Variants in TKFC observed in about 807,000 individuals in gnomAD.
TKFC encodes triokinase and FMN cyclase.
A neutral mutation model predicts 61.0 loss-of-function variants in TKFC; 46 were observed. The observed-to-expected ratio is 0.75, with a 90% confidence interval of 0.60 to 0.96. The LOEUF (loss-of-function observed/expected upper bound fraction) is 0.96. TKFC is among the 50% of genes least tolerant of loss of function. TKFC has a pLI of 0.00. For missense variants in TKFC, 715 were observed against 777.5 expected (o/e 0.92, Z 0.96); for synonymous variants, 314 against 330.1 (o/e 0.95, Z 0.53).
In TKFC at chr11:61,344,266, G is replaced by A. The variant is rs201338826; in HGVS notation, c.1233G>A (p.Ala411=). ...ACTGTGGCACCACCCACAGCCGTGC[G>A]GCCAGAGGTTGGTGCCAGGGACTTT... ...DGDCGTTHSR[A]ARAIQEWLKE... The change falls in exon 13 of 18, where the codon GCG becomes GCA. Residue 411 remains alanine, a synonymous_variant. Transcript: ENST00000394900. 1.2e-4 allele frequency: 187 copies of A among 1,612,900 alleles called. 2 individuals are homozygous for A. In the East Asian group the frequency reaches 3.1e-3, roughly 27 times the overall value.
rs769673922 is a variant in TKFC at position 61,334,778 on chromosome 11, C to G, written c.3+47C>G. The G allele has an allele frequency of 3.5e-5, 56 of 1,613,710 alleles. No individual in the cohort carries two copies. In the Middle Eastern group the frequency reaches 6.6e-4, roughly 19 times the overall value. ...CGGGAATGGCAGCATGGTCTCAAAG[C>G]AGGATCCCAGCCTTGGGCAAGCTAA... On this transcript the variant is annotated intron_variant, in intron 2 of 17. Coordinates refer to ENST00000394900, the MANE Select transcript of TKFC (RefSeq NM_015533.4).
At position 61,342,430 on chromosome 11, in the gene TKFC, G is replaced by C. The variant is rs775131812; in HGVS notation, c.656-31G>C. The C allele has an allele frequency of 7.4e-6, 12 of 1,613,716 alleles. No individual in the cohort carries two copies. The East Asian group carries it at 2.0e-4, about 27-fold the overall frequency. On this transcript the variant is annotated intron_variant, in intron 7 of 17. Transcript: ENST00000394900. ...CGATGAGCAAATCCCCAGGCCTTGA[G>C]TGGGTCAGCAGTGACCACATCTATC...
intron 6 of TKFC, 109 bp from the exon 7 acceptor site, chr11:61,341,714 C>A: frequency 7.6e-7 from 1 of 1,308,992 alleles, no homozygotes; most frequent in Non-Finnish European, 1.1e-6. Context: ...CAGCCTTTCT[C>A]AGAGAAGAGG....
At position 61,337,939 on chromosome 11, in the gene TKFC, A is replaced by C. The variant is rs747367361; in HGVS notation, c.4-2A>C. On this transcript the variant is annotated splice_acceptor_variant, in intron 2 of 17. Transcript: ENST00000394900. LOFTEE classifies it high-confidence loss of function. ...GACCTCCTTCTCACTCCTCCCTTGC[A>C]GACCTCCAAGAAGCTGGTGAACTCG... 6.2e-7 allele frequency: 1 copy of C among 1,601,602 alleles called. No homozygotes were observed. The highest frequency in any genetic ancestry group is 8.5e-7 in the Non-Finnish European group (1 of 1,174,716).
At chr11:61,336,691 G>A (rs1405458833) in intron 2 of TKFC, among the ~76,000 whole-genome samples, 1 of 152,164 alleles carries the variant, frequency 6.6e-6, no homozygotes, top group Non-Finnish European at 1.5e-5. Flanking sequence ...TGTAACAGCA[G>A]AGCTCAAGCC....
rs1020219509 is a variant in TKFC, at chr11:61,347,178, A to G, written c.*675A>G. On this transcript the variant is annotated 3_prime_UTR_variant, in exon 18 of 18. Transcript: ENST00000394900. The stretch of plus-strand genomic sequence containing the variant: ...ATTAATAATTCAGTGGCTCCTCGGG[A>G]GTCGAATGGGCATTTGGGACACCAG... 2.0e-6 allele frequency: 2 copies of G among 985,312 alleles called. No homozygotes were observed. Among genetic ancestry groups the G allele is most frequent in the Non-Finnish European group, 2.4e-6 (2 of 829,974 alleles). The allele number at this position is 985,312 out of a possible 1,614,324, so 61.0% of individuals were successfully genotyped here. A position where few individuals can be genotyped will look rare whatever the true frequency, so the allele number is the denominator to read the frequency against.
Position 61,346,566 on chromosome 11 carries a change from A to C in TKFC, c.*63A>C. The C allele has an allele frequency of 6.6e-7, 1 of 1,520,934 alleles. No individual in the cohort carries two copies. The highest frequency in any genetic ancestry group is 8.8e-7 in the Non-Finnish European group (1 of 1,137,092). The allele number at this position is 1,520,934 out of a possible 1,614,324, so 94.2% of individuals were successfully genotyped here. A position where few individuals can be genotyped will look rare whatever the true frequency, so the allele number is the denominator to read the frequency against. On this transcript the variant is annotated 3_prime_UTR_variant, in exon 18 of 18. Transcript: ENST00000394900. This position sits in a 1 kb window ranked among gnomAD's most constrained non-coding sequence, Gnocchi z 4.1. ...CTGCTGTGCTGAGGTGGCCTTTGTC[A>C]CTTCCTTCTGCCTTCCAACCCTCAC...
At chr11:61,350,412 T>C (rs1465700828), downstream of TKFC, 3 of 1,611,340 alleles carry the variant, frequency 1.9e-6, no homozygotes, top group African/African-American at 1.3e-5. Flanking sequence ...CTCCCCATCA[T>C]GCAGCAGGGG....
rs1857001541 is a variant in TKFC at position 61,344,139 on chromosome 11, C to T, written c.1106C>T (p.Ser369Leu). ...EAPDSTAAGG[S>L]ASKRMALVLE... ...CTTCAGCATCCTCCCTTTCTAGGCT[C>T]AGCCTCGAAGCGGATGGCGCTGGTG... Residue 369 changes from serine to leucine, a missense_variant, in exon 13 of 18, where the codon TCA (serine) becomes TTA (leucine). Ser to Leu is a moderately radical substitution (Grantham distance 145). Transcript: ENST00000394900. The T allele has an allele frequency of 6.2e-7, 1 of 1,612,204 alleles. No individual in the cohort carries two copies. The highest frequency in any genetic ancestry group is 8.5e-7 in the Non-Finnish European group (1 of 1,179,978).
chr11:61,339,074 G>T lies in TKFC; in HGVS notation c.202G>T (p.Gly68Trp), dbSNP rs758426408. 43 of 1,612,854 alleles carry T rather than the reference G, an allele frequency of 2.7e-5. No homozygotes were observed. The East Asian group carries it at 9.6e-4, about 36-fold the overall frequency. ...ACTCCTTCCACCTCCAGGTTTCATA[G>T]GGAAGGGGATGCTGACTGGGGTCAT... ...GHEPAHAGFIGKGMLTGVIAG... is the reference protein window; with the variant it reads ...GHEPAHAGFIWKGMLTGVIAG... The change falls in exon 4 of 18, where the codon GGG (glycine) becomes TGG (tryptophan). Residue 68 changes from glycine to tryptophan, a missense_variant. Coordinates refer to ENST00000394900, the MANE Select transcript of TKFC (RefSeq NM_015533.4).
At chr11:61,345,021 A>C (rs2135053849) in intron 13 of TKFC, among the ~76,000 whole-genome samples, 1 of 152,354 alleles carries the variant, frequency 6.6e-6, no homozygotes, top group African/African-American at 2.4e-5. Flanking sequence ...AAACCAAGCC[A>C]GGGAGCAGAG....
At chr11:61,341,059 T>C (rs1856829835) in intron 5 of TKFC, among the ~76,000 whole-genome samples, 1 of 150,928 alleles carries the variant, frequency 6.6e-6, no homozygotes. Context: ...ATTGGGTGGA[T>C]GGATGGATGG....
At position 61,346,459 on chromosome 11, in the gene TKFC, G is replaced by A. The variant is rs1565059663; in HGVS notation, c.1684G>A (p.Ala562Thr). 6.2e-7 allele frequency: 1 copy of A among 1,610,174 alleles called. No homozygotes were observed. The highest frequency in any genetic ancestry group is 8.5e-7 in the Non-Finnish European group (1 of 1,179,470). Residue 562 changes from alanine (A) to threonine (T), a missense_variant, in exon 18 of 18, where the codon GCT becomes ACT. Transcript: ENST00000394900. The surrounding 1 kb of genome is among the most constrained non-coding windows in gnomAD (Gnocchi z 4.1). ...GCAGCCAGACCCCGGGGCGGTGGCA[G>A]CTGCTGCCATCCTCCGGGCCATCTT... ...LEQPDPGAVA[A>T]AAILRAILEV...
intron 13 of TKFC, 104 bp downstream of exon 13, chr11:61,344,377 TTTTA>T: frequency 2.2e-6 from 3 of 1,334,896 alleles, no homozygotes. Context: ...TTTTTTTTTT[TTTTA>T]AGAAGGAATC....
chr11:61,337,416 G>A (rs1856655184), intron 2 of TKFC, among the ~76,000 whole-genome samples: 1 of 152,226 alleles, frequency 6.6e-6, no homozygotes, highest in African/African-American at 2.4e-5. Flanking sequence ...AAAGTGCTGG[G>A]ATTACAGGCA....
At chr11:61,336,583 A>T (rs193047634) in intron 2 of TKFC, among the ~76,000 whole-genome samples, 69 of 152,298 alleles carry the variant, frequency 4.5e-4, no homozygotes, top group Admixed American at 4.3e-3. Flanking sequence ...GTAAATCCCT[A>T]TTTTACAGAG....
At chr11:61,345,999 C>T (rs1215124108) in intron 17 of TKFC, 53 bp downstream of exon 17, 35 of 1,565,630 alleles carry the variant, frequency 2.2e-5, no homozygotes, top group Non-Finnish European at 3.1e-5. Context: ...AGCCAGCAGA[C>T]TCCTGTCTCC....
chr11:61,342,575 T>G lies in TKFC; in HGVS notation c.692T>G (p.Met231Arg), dbSNP rs1205437340. 6.2e-7 allele frequency: 1 copy of G among 1,613,930 alleles called. No homozygotes were observed. The highest frequency in any genetic ancestry group is 1.3e-5 in the African/African-American group (1 of 75,068). ...CTCATTCCTGGCTCCCTCTGACAGATGGCAACCGCCGATGAGATTGTGAAA... is the reference window on the plus strand; with the variant it reads ...CTCATTCCTGGCTCCCTCTGACAGAGGGCAACCGCCGATGAGATTGTGAAA... ...HGEAGVRRIK[M>R]ATADEIVKLM... The change falls in exon 9 of 18, where the codon ATG becomes AGG. Residue 231 changes from methionine (M) to arginine (R), a missense_variant and splice_region_variant. Met to Arg is a moderately conservative substitution (Grantham distance 91). Coordinates refer to ENST00000394900, the MANE Select transcript of TKFC (RefSeq NM_015533.4).
chr11:61,346,503 G>C lies in TKFC; in HGVS notation c.1728G>C (p.Ter576TyrextTer3). 1 of 1,597,490 alleles carries C rather than the reference G, an allele frequency of 6.3e-7. No individual in the cohort carries two copies. Among genetic ancestry groups the C allele is most frequent in the East Asian group, 2.2e-5 (1 of 44,544 alleles). The change falls in exon 18 of 18, where the codon TAG (stop) becomes TAC (tyrosine). Residue 576 changes from the stop codon to tyrosine, a stop_lost. Transcript: ENST00000394900. This position sits in a 1 kb window ranked among gnomAD's most constrained non-coding sequence, Gnocchi z 4.1. ...CCATCTTGGAGGTCTTGCAGAGCTA[G>C]GGTGTGTGACTGCCTCCCTTGGCCT... ...LRAILEVLQS[*>Y]
Sources: gnomAD v4.1 joint callset for allele counts (sites outside exome capture counted in the v4.1 genomes callset) on GRCh38, gnomAD v4.1.1 for gene constraint, Gnocchi (gnomAD v3.1) non-coding constraint, MANE v1.5 for transcripts, NCBI Gene and HGNC (gene_info 2026-07-23, HGNC 2026-07-21) for gene names.